CFAP299: variants seen among roughly 807,000 people sequenced by gnomAD.
The protein encoded by CFAP299 is cilia- and flagella-associated protein 299.
A neutral mutation model predicts 27.0 loss-of-function variants in CFAP299; 21 were observed. The ratio of observed to expected loss-of-function variants is 0.78; its 90% CI spans 0.55 to 1.12. CFAP299 has a LOEUF of 1.12. Among genes scored for constraint, CFAP299 ranks in the 50% most tolerant of loss-of-function variants. The probability of loss-of-function intolerance (pLI) is 0.00; values close to 1 mark genes in which losing one functional copy is unlikely to be tolerated. For missense variants in CFAP299, 310 were observed against 276.6 expected (o/e 1.12, Z -0.86); for synonymous variants, 104 against 98.1 (o/e 1.06, Z -0.36).
chr4:80,536,590 A>C (rs1407123986), intron 2 of CFAP299, among the ~76,000 whole-genome samples: 1 of 152,140 alleles, frequency 6.6e-6, no homozygotes, highest in Admixed American at 6.5e-5. Context: ...ATTTTCAACA[A>C]AGGTGCCAAG....
intron 2 of CFAP299, among the ~76,000 whole-genome samples, chr4:80,492,126 C>T (rs1731167202): frequency 6.6e-6 from 1 of 152,162 alleles, no homozygotes; most frequent in African/African-American, 2.4e-5. Flanking sequence ...CACCTATAGC[C>T]TGGAAGCCTC....
intron 2 of CFAP299, among the ~76,000 whole-genome samples, chr4:80,505,531 A>G (rs1731981571): frequency 1.6e-5 from 2 of 122,520 alleles, no homozygotes; most frequent in South Asian, 5.8e-4. Flanking sequence ...ATAAAATGTA[A>G]ACATTGTTAT....
chr4:80,399,686 T>A (rs894510910), intron 2 of CFAP299, among the ~76,000 whole-genome samples: 6 of 105,882 alleles, frequency 5.7e-5, no homozygotes, highest in African/African-American at 2.2e-4. Flanking sequence ...CACCAGGGCC[T>A]GTTTTGAGGT....
chr4:80,617,046 C>T (rs920126094), intron 3 of CFAP299, among the ~76,000 whole-genome samples: 21 of 151,736 alleles, frequency 1.4e-4, no homozygotes, highest in Middle Eastern at 3.4e-3. Flanking sequence ...AAACTATCTA[C>T]GGAAATAGGA....
chr4:80,878,934 TG>T (rs1295540328), intron 4 of CFAP299, among the ~76,000 whole-genome samples: 2 of 152,180 alleles, frequency 1.3e-5, no homozygotes, highest in Non-Finnish European at 2.9e-5. Context: ...ATTATTTCCA[TG>T]GAAAACTTAA....
At chr4:80,731,326 A>G (rs1469411525) in intron 3 of CFAP299, among the ~76,000 whole-genome samples, 2 of 152,240 alleles carry the variant, frequency 1.3e-5, no homozygotes, top group African/African-American at 4.8e-5. Context: ...GCACAGTAAA[A>G]TCACCAAATC....
intron 2 of CFAP299, among the ~76,000 whole-genome samples, chr4:80,555,731 TG>T: frequency 6.6e-6 from 1 of 152,230 alleles, no homozygotes; most frequent in South Asian, 2.1e-4. Flanking sequence ...CTTGGGAGGA[TG>T]TATGTGTCCA....
chr4:80,415,857 T>C (rs982641234), intron 2 of CFAP299, among the ~76,000 whole-genome samples: 1 of 152,160 alleles, frequency 6.6e-6, no homozygotes, highest in Admixed American at 6.5e-5. Flanking sequence ...AAAAGCTATG[T>C]TTAAAAGTCT....
chr4:80,522,252 T>G (rs545913735), intron 2 of CFAP299, among the ~76,000 whole-genome samples: 27 of 152,228 alleles, frequency 1.8e-4, no homozygotes, highest in African/African-American at 6.5e-4. Context: ...ACCTAATGAT[T>G]AGTGATGTTG....
At chr4:80,827,429 G>T (rs1730046783) in intron 3 of CFAP299, among the ~76,000 whole-genome samples, 1 of 151,792 alleles carries the variant, frequency 6.6e-6, no homozygotes. Flanking sequence ...ATTGATCAAT[G>T]TAGTACATCA....
intron 3 of CFAP299, among the ~76,000 whole-genome samples, chr4:80,723,722 T>C (rs1722979605): frequency 3.3e-5 from 5 of 152,076 alleles, no homozygotes; most frequent in Non-Finnish European, 2.9e-5. Context: ...GTGTATTTTA[T>C]TGTATGTCAA....
intron 3 of CFAP299, among the ~76,000 whole-genome samples, chr4:80,857,053 A>G (rs2110154068): frequency 6.6e-6 from 1 of 152,196 alleles, no homozygotes; most frequent in South Asian, 2.1e-4. Context: ...ATGTTCTTCC[A>G]TTTGTTTGTA....
intron 4 of CFAP299, among the ~76,000 whole-genome samples, chr4:80,884,262 A>G (rs1578211051): frequency 6.6e-6 from 1 of 152,226 alleles, no homozygotes; most frequent in African/African-American, 2.4e-5. Flanking sequence ...AGGATAGATC[A>G]TGTCAGGCCA....
chr4:80,857,384 G>T (rs1317957426), intron 3 of CFAP299, among the ~76,000 whole-genome samples: 4 of 152,048 alleles, frequency 2.6e-5, no homozygotes, highest in Non-Finnish European at 5.9e-5. Context: ...TTTCCTAATT[G>T]AATACCCTTT....
At chr4:80,339,520 A>T (rs1722335971) in intron 1 of CFAP299, among the ~76,000 whole-genome samples, 1 of 152,228 alleles carries the variant, frequency 6.6e-6, no homozygotes, top group South Asian at 2.1e-4. Flanking sequence ...TTGATAAGCT[A>T]GAGAGGAGTA....
intron 4 of CFAP299, among the ~76,000 whole-genome samples, chr4:80,900,537 T>C (rs1251011243): frequency 6.6e-6 from 1 of 152,094 alleles, no homozygotes; most frequent in Non-Finnish European, 1.5e-5. Context: ...TCTAAATAAA[T>C]CTGTTGCTAG....
chr4:80,956,129 C>G (rs1424515651), intron 5 of CFAP299, among the ~76,000 whole-genome samples: 6 of 152,188 alleles, frequency 3.9e-5, no homozygotes, highest in Non-Finnish European at 8.8e-5. Flanking sequence ...TCTCTACAAA[C>G]AAGCTTCTGA....
At chr4:80,921,042 G>A (rs552545755) in intron 4 of CFAP299, among the ~76,000 whole-genome samples, 4 of 152,010 alleles carry the variant, frequency 2.6e-5, no homozygotes, top group East Asian at 3.9e-4. Context: ...TTTTTGTAGC[G>A]TTTCCCACAC....
intron 3 of CFAP299, among the ~76,000 whole-genome samples, chr4:80,859,841 A>G: frequency 6.6e-6 from 1 of 151,968 alleles, no homozygotes; most frequent in East Asian, 1.9e-4. Flanking sequence ...GCTGCCCTTA[A>G]CATTTTTTCC....
Sources: gnomAD v4.1 joint callset for allele counts (sites outside exome capture counted in the v4.1 genomes callset) on GRCh38, gnomAD v4.1.1 for gene constraint, MANE v1.5 for transcripts, NCBI Gene and HGNC (gene_info 2026-07-23, HGNC 2026-07-21) for gene names.